The following GAS7 variants were observed in gnomAD, a reference collection of about 807,000 sequenced individuals.
GAS7 encodes the protein growth arrest-specific protein 7.
In GAS7, 28 loss-of-function variants were observed where a neutral mutation model predicts 71.1. The ratio of observed to expected loss-of-function variants is 0.39; its 90% confidence interval spans 0.29 to 0.54. The LOEUF (loss-of-function observed/expected upper bound fraction) is 0.54, where lower values mean the gene tolerates loss of function less well. Ranked by LOEUF, GAS7 falls within the 20% of genes least tolerant of loss-of-function variation. The probability of loss-of-function intolerance (pLI) is 0.62; values close to 1 mark genes in which losing one functional copy is unlikely to be tolerated. For synonymous variants in GAS7, 258 were observed against 245.8 expected, an observed-to-expected ratio of 1.05 and a Z score of -0.46; for missense variants, 436 against 627.8, an observed-to-expected ratio of 0.69 and a Z score of 3.27.
intron 1 of GAS7, among the ~76,000 whole-genome samples, chr17:10,189,796 G>A (rs112300334): frequency 7.9e-5 from 12 of 152,136 alleles, no homozygotes; most frequent in Admixed American, 1.3e-4. Context: ...AAAATTAGCC[G>A]GCTGTGGTGG....
intron 1 of GAS7, among the ~76,000 whole-genome samples, chr17:10,087,435 C>G (rs1483487168): frequency 2.6e-5 from 4 of 152,226 alleles, no homozygotes; most frequent in African/African-American, 7.2e-5. Context: ...TCTTGGGACA[C>G]AAAGGGCCAA....
At chr17:10,023,961 T>C (rs762916283) in intron 1 of GAS7, among the ~76,000 whole-genome samples, 24 of 152,012 alleles carry the variant, frequency 1.6e-4, no homozygotes, top group Middle Eastern at 3.4e-3. Context: ...CTGCATCTAC[T>C]AAAAATACAA....
Position 10,132,553 on chromosome 17 carries a change from G to A in GAS7, c.183+65655C>T, listed in dbSNP as rs947882906. On this transcript the variant is annotated intron_variant, in intron 1 of 13. Coordinates refer to ENST00000432992, the MANE Select transcript of GAS7 (RefSeq NM_201433.2). ...GGCCGAGGTGGGTGGATCACTTGAG[G>A]CCAGGAGTTTGAGACTGGCCTGGCC... 3.7e-4 allele frequency among the ~76,000 whole-genome samples: 57 copies of A among 152,282 alleles called. 1 individual carries two copies. Among genetic ancestry groups the A allele is most frequent in the African/African-American group, 1.3e-3 (52 of 41,560 alleles).
chr17:10,082,038 A>G (rs1191365371), intron 1 of GAS7, among the ~76,000 whole-genome samples: 2 of 152,220 alleles, frequency 1.3e-5, no homozygotes, highest in Non-Finnish European at 2.9e-5. Flanking sequence ...ATGCTAGAAC[A>G]GTACGCAGCA....
intron 2 of GAS7, among the ~76,000 whole-genome samples, chr17:10,014,441 G>A (rs1418402547): frequency 6.6e-6 from 1 of 152,146 alleles, no homozygotes; most frequent in Non-Finnish European, 1.5e-5. Context: ...AATTTCCCAT[G>A]GATTCCCGCT....
At chr17:9,929,649 T>A (rs2068138081) in intron 9 of GAS7, among the ~76,000 whole-genome samples, 2 of 151,984 alleles carry the variant, frequency 1.3e-5, no homozygotes, top group Admixed American at 1.3e-4. Context: ...TAATTTTTTT[T>A]TGTATTTTTA....
rs1271271961 is a variant in GAS7 at position 9,926,972 on chromosome 17, G to C, written c.886-203C>G. 1.7e-6 allele frequency: 1 copy of C among 583,602 alleles called. No homozygotes were observed. Among genetic ancestry groups the C allele is most frequent in the East Asian group, 2.8e-5 (1 of 35,254 alleles). The allele number at this position is 583,602 out of a possible 1,614,324, so 36.2% of individuals were successfully genotyped here. On this transcript the variant is annotated intron_variant, in intron 9 of 13. Coordinates refer to ENST00000432992, the MANE Select transcript of GAS7 (RefSeq NM_201433.2). This position sits in a 1 kb window ranked among gnomAD's most constrained non-coding sequence, Gnocchi z 5.0. The stretch of plus-strand genomic sequence containing the variant: ...AGCTTAGGCAGGTCACCTTAGCTCA[G>C]GAGGCCCCCACACACGTCTACAGGA...
At chr17:10,002,995 C>A (rs990906697) in intron 2 of GAS7, among the ~76,000 whole-genome samples, 6 of 152,184 alleles carry the variant, frequency 3.9e-5, no homozygotes, top group Admixed American at 6.5e-5. Context: ...CACTGGAAGA[C>A]CACATCTTAA....
At chr17:9,943,754 T>G (rs2068691811) in intron 6 of GAS7, among the ~76,000 whole-genome samples, 1 of 152,046 alleles carries the variant, frequency 6.6e-6, no homozygotes, top group South Asian at 2.1e-4. Flanking sequence ...AAGTAAATCA[T>G]AGAGAGAAAG....
At chr17:10,036,845 A>G (rs1269545439) in intron 1 of GAS7, 1 of 569,444 alleles carries the variant, frequency 1.8e-6, no homozygotes, top group Non-Finnish European at 2.4e-6. Flanking sequence ...AGCTTGTGTC[A>G]CTGAGCAGAT....
chr17:9,938,081 G>C (rs1332190950), intron 8 of GAS7, among the ~76,000 whole-genome samples: 1 of 152,144 alleles, frequency 6.6e-6, no homozygotes, highest in East Asian at 1.9e-4. Flanking sequence ...TTTATGTCCT[G>C]CCAAAATTCT....
chr17:10,086,285 T>C (rs2073518637), intron 1 of GAS7, among the ~76,000 whole-genome samples: 1 of 152,212 alleles, frequency 6.6e-6, no homozygotes, highest in Admixed American at 6.5e-5. Context: ...TGACTCATTT[T>C]TGGCAGTGCA....
chr17:10,137,008 G>C (rs529255559), intron 1 of GAS7, among the ~76,000 whole-genome samples: 51 of 152,240 alleles, frequency 3.3e-4, no homozygotes, highest in African/African-American at 1.2e-3. Context: ...CAGCTACCCA[G>C]GAGGCTGAGG....
rs769045182 is a variant in GAS7 at position 9,934,230 on chromosome 17, G to A, written c.821C>T (p.Ala274Val). 17 of 1,610,546 alleles carry A rather than the reference G, an allele frequency of 1.1e-5. 1 individual carries two copies. Among genetic ancestry groups the A allele is most frequent in the Admixed American group, 8.3e-5 (5 of 59,942 alleles). The change falls in exon 9 of 14, where the codon GCG becomes GTG. Residue 274 changes from alanine to valine, a missense_variant. Physicochemically the swap from Ala to Val is moderately conservative, Grantham distance 64. Coordinates refer to ENST00000432992, the MANE Select transcript of GAS7 (RefSeq NM_201433.2). The stretch of plus-strand genomic sequence containing the variant: ...CAGGCTCTTCTTCACCTGGGCCCAC[G>A]CCTCTCCCAAGGAGCTGCAACACAA... ...ASQEEGSLGE[A>V]WAQVKKSLAD...
At chr17:10,154,594 C>G (rs914463851) in intron 1 of GAS7, among the ~76,000 whole-genome samples, 1 of 152,084 alleles carries the variant, frequency 6.6e-6, no homozygotes, top group African/African-American at 2.4e-5. Flanking sequence ...CAGAGGATCA[C>G]TTGAGGCCAG....
intron 1 of GAS7, among the ~76,000 whole-genome samples, chr17:10,122,926 G>C (rs551408950): frequency 1.7e-4 from 26 of 152,246 alleles, no homozygotes; most frequent in Admixed American, 1.7e-3. Flanking sequence ...AACCTCCTGG[G>C]CTCTGAGCAA....
rs1056692707 is a variant in GAS7, at chr17:10,103,023, G to A, written c.184-83126C>T. The stretch of plus-strand genomic sequence containing the variant: ...GGGAGGCACCAGCAGCATTCCTGTC[G>A]CCTAGAAGCTTGTTAGAAATGCAGA... On this transcript the variant is annotated intron_variant, in intron 1 of 13. Coordinates refer to ENST00000432992, the MANE Select transcript of GAS7 (RefSeq NM_201433.2). The surrounding 1 kb of genome is among the most constrained non-coding windows in gnomAD (Gnocchi z 5.5). Among the ~76,000 whole-genome samples the A allele has an allele frequency of 7.2e-5, 11 of 152,258 alleles. No homozygotes were observed. Among genetic ancestry groups the A allele is most frequent in the South Asian group, 4.2e-4 (2 of 4,816 alleles).
intron 3 of GAS7, among the ~76,000 whole-genome samples, chr17:9,979,520 G>T (rs1288811903): frequency 3.3e-5 from 5 of 152,172 alleles, no homozygotes; most frequent in Non-Finnish European, 7.4e-5. Context: ...GGGACCGGAG[G>T]CAGCTCCTGT....
chr17:10,166,967 T>G (rs182522752), intron 1 of GAS7, among the ~76,000 whole-genome samples: 36 of 151,512 alleles, frequency 2.4e-4, no homozygotes, highest in Admixed American at 1.1e-3. Context: ...GCTCTGGGAC[T>G]TCACTCTGCC....
Sources: allele counts gnomAD v4.1 joint callset (sites outside exome capture counted in the v4.1 genomes callset), GRCh38; gene constraint gnomAD v4.1.1; non-coding constraint Gnocchi (gnomAD v3.1); transcripts MANE v1.5; gene names NCBI Gene and HGNC (gene_info 2026-07-23, HGNC 2026-07-21).